CNOT2: variants seen among roughly 807,000 people sequenced by gnomAD.
CNOT2 encodes CC chemokine receptor 4-negative regulator of transcription 2.
Under a neutral mutation model 72.1 loss-of-function variants are expected in CNOT2, and 7 were observed. That is an observed-to-expected ratio of 0.10 (90% CI 0.06 to 0.18). The LOEUF (loss-of-function observed/expected upper bound fraction) is 0.18, where lower values mean the gene tolerates loss of function less well. Ranked by LOEUF, CNOT2 falls within the 10% of genes least tolerant of loss-of-function variation. The pLI, the probability that CNOT2 is intolerant of heterozygous loss-of-function variation, is 1.00. For synonymous variants in CNOT2, 196 were observed against 225.6 expected (o/e 0.87, Z 1.17); for missense variants, 345 against 660.3 (o/e 0.52, Z 5.23).
intron 1 of CNOT2, among the ~76,000 whole-genome samples, chr12:70,265,568 T>C (rs1959001755): frequency 6.6e-6 from 1 of 152,084 alleles, no homozygotes; most frequent in South Asian, 2.1e-4. Flanking sequence ...TACATCAGTT[T>C]TGGTGATTTT....
chr12:70,257,920 A>T (rs1300683996), intron 1 of CNOT2, among the ~76,000 whole-genome samples: 1 of 152,212 alleles, frequency 6.6e-6, no homozygotes, highest in South Asian at 2.1e-4. Flanking sequence ...GCCAGTTTAC[A>T]TTCTCTGCAG....
At chr12:70,243,347 T>G (rs1957659403), upstream of CNOT2, 1 of 152,634 alleles carries the variant, frequency 6.6e-6, no homozygotes, top group Admixed American at 6.5e-5. Flanking sequence ...CGCTCCCACC[T>G]TCCGCTGCCG....
chr12:70,306,566 T>A (rs188188669), intron 2 of CNOT2, among the ~76,000 whole-genome samples: 18 of 152,040 alleles, frequency 1.2e-4, no homozygotes, highest in East Asian at 3.9e-4. Context: ...TAAGAAACAT[T>A]GGTTTTGCTA....
At chr12:70,284,493 G>A (rs1049069983) in intron 2 of CNOT2, among the ~76,000 whole-genome samples, 2 of 151,632 alleles carry the variant, frequency 1.3e-5, no homozygotes, top group African/African-American at 4.8e-5. Flanking sequence ...TGATCTCCCT[G>A]CCTTGGCCTC....
chr12:70,282,732 G>A (rs970983341), intron 2 of CNOT2, among the ~76,000 whole-genome samples: 1 of 151,930 alleles, frequency 6.6e-6, no homozygotes. Context: ...TTTTAATTTT[G>A]TGTTTCATTC....
chr12:70,261,683 T>A (rs1408436677), intron 1 of CNOT2, among the ~76,000 whole-genome samples: 2 of 152,132 alleles, frequency 1.3e-5, no homozygotes, highest in Non-Finnish European at 2.9e-5. Flanking sequence ...TTCTTTGATG[T>A]TGTTAACTGG....
intron 1 of CNOT2, among the ~76,000 whole-genome samples, chr12:70,256,342 A>G (rs1212931597): frequency 6.6e-6 from 1 of 152,190 alleles, no homozygotes; most frequent in Admixed American, 6.5e-5. Context: ...TAATGATTTG[A>G]GAAGTTTTTA....
At position 70,351,477 on chromosome 12, in the gene CNOT2, A is replaced by G. The variant is rs114983195; in HGVS notation, c.1537-2352A>G. 8.1e-3 allele frequency among the ~76,000 whole-genome samples: 1,227 copies of G among 152,302 alleles called. 20 individuals are homozygous for G. The highest frequency in any genetic ancestry group is 0.027 in the African/African-American group (1,127 of 41,572). ...AAACGTGGAAGGCAAAATTTTACCT[A>G]TGTAATTTCTAAATCTCTGATCTCT... On this transcript the variant is annotated intron_variant, in intron 15 of 15. Coordinates refer to ENST00000229195, the MANE Select transcript of CNOT2 (RefSeq NM_014515.7).
At chr12:70,258,327 A>C (rs1958558484) in intron 1 of CNOT2, among the ~76,000 whole-genome samples, 1 of 152,164 alleles carries the variant, frequency 6.6e-6, no homozygotes, top group Non-Finnish European at 1.5e-5. Flanking sequence ...AGTTTAAAAG[A>C]ATTTTTGCCT....
intron 11 of CNOT2, among the ~76,000 whole-genome samples, 158 bp downstream of exon 11, chr12:70,338,980 A>G (rs1275255573): frequency 7.3e-6 from 1 of 136,954 alleles, no homozygotes; most frequent in Non-Finnish European, 1.6e-5. Flanking sequence ...GATCACTGTC[A>G]CTCTGCAGTA....
chr12:70,324,062 G>A (rs996511741), intron 4 of CNOT2: 1 of 151,782 alleles, frequency 6.6e-6, no homozygotes, highest in Non-Finnish European at 1.5e-5. Flanking sequence ...ATTGTAAGTA[G>A]TAGAACCAGG....
At chr12:70,250,289 C>A (rs1221041941) in intron 1 of CNOT2, among the ~76,000 whole-genome samples, 2 of 152,098 alleles carry the variant, frequency 1.3e-5, no homozygotes, top group Non-Finnish European at 2.9e-5. Context: ...TTTAAAAGTT[C>A]TTTTTCTATT....
intron 2 of CNOT2, among the ~76,000 whole-genome samples, chr12:70,282,482 A>C (rs193025519): frequency 2.0e-5 from 3 of 152,344 alleles, no homozygotes; most frequent in Non-Finnish European, 4.4e-5. Flanking sequence ...ACAGATGCCT[A>C]TTACCAAAAC....
At chr12:70,271,633 A>G (rs887750090) in intron 1 of CNOT2, among the ~76,000 whole-genome samples, 5 of 151,952 alleles carry the variant, frequency 3.3e-5, no homozygotes, top group Admixed American at 3.3e-4. Context: ...TCAGCCTCCC[A>G]AACTGCTAGG....
At chr12:70,266,663 G>A (rs988489045) in intron 1 of CNOT2, among the ~76,000 whole-genome samples, 2 of 152,078 alleles carry the variant, frequency 1.3e-5, no homozygotes, top group Admixed American at 6.6e-5. Flanking sequence ...TGTCTTCCTG[G>A]TAAGTTGGCC....
At chr12:70,348,270 C>T (rs1167733714) in intron 15 of CNOT2, among the ~76,000 whole-genome samples, 5 of 152,154 alleles carry the variant, frequency 3.3e-5, no homozygotes, top group South Asian at 2.1e-4. Context: ...GTCATTGGTT[C>T]TCAAACTATA....
At chr12:70,307,843 CCTG>C (rs2135945216) in intron 2 of CNOT2, 1 of 152,038 alleles carries the variant, frequency 6.6e-6, no homozygotes, top group African/African-American at 2.4e-5. Flanking sequence ...AATGCATTTT[CCTG>C]CTTTCGTTTT....
At position 70,353,913 on chromosome 12, in the gene CNOT2, TAAAAAAAAAAAAA is replaced by T. The variant is rs35192504; in HGVS notation, c.*11_*23del. On this transcript the variant is annotated stop_retained_variant and 3_prime_UTR_variant, in exon 16 of 16. Coordinates refer to ENST00000229195, the MANE Select transcript of CNOT2 (RefSeq NM_014515.7). ...CTACAACCCTGCTCAGCAAGCCTTC[TAAAAAAAAAAAAA>T]AAAAAAAAAAAAGACTTCCCTTTTC... 30 of 1,275,468 alleles carry T rather than the reference TAAAAAAAAAAAAA, an allele frequency of 2.4e-5. No individual in the cohort carries two copies. The African/African-American group carries it at 2.5e-4, about 11-fold the overall frequency. 79.0% of individuals were successfully genotyped at this position (1,275,468 alleles called of 1,614,324 possible).
intron 2 of CNOT2, among the ~76,000 whole-genome samples, chr12:70,279,699 A>G (rs1869475817): frequency 6.6e-6 from 1 of 152,244 alleles, no homozygotes; most frequent in African/African-American, 2.4e-5. Flanking sequence ...CAGTGCTCAT[A>G]ATCCAATTTG....
Sources: gnomAD v4.1 joint callset for allele counts (sites outside exome capture counted in the v4.1 genomes callset) on GRCh38, gnomAD v4.1.1 for gene constraint, MANE v1.5 for transcripts, NCBI Gene and HGNC (gene_info 2026-07-23, HGNC 2026-07-21) for gene names.